Variants in TRAPPC3L observed in about 807,000 individuals in gnomAD.
TRAPPC3L encodes trafficking protein particle complex subunit 3L.
TRAPPC3L carries 23 observed loss-of-function variants against 23.7 expected under a neutral mutation model. The ratio of observed to expected loss-of-function variants is 0.97; its 90% CI spans 0.70 to 1.37. The LOEUF is 1.37. Ranked by LOEUF, TRAPPC3L falls within the 40% of genes most tolerant of loss-of-function variation. The probability of loss-of-function intolerance (pLI) is 0.00; values close to 1 mark genes in which losing one functional copy is unlikely to be tolerated. For missense variants in TRAPPC3L, 212 were observed against 216.8 expected, an observed-to-expected ratio of 0.98 and a Z score of 0.14; for synonymous variants, 81 against 77.9, an observed-to-expected ratio of 1.04 and a Z score of -0.21.
intron 3 of TRAPPC3L, among the ~76,000 whole-genome samples, chr6:116,515,278 T>C (rs2115167868): frequency 6.6e-6 from 1 of 152,352 alleles, no homozygotes; most frequent in Middle Eastern, 3.4e-3. Context: ...CTATCAGAGC[T>C]AATACTATTT....
intron 3 of TRAPPC3L, among the ~76,000 whole-genome samples, chr6:116,526,726 C>T (rs1206947812): frequency 1.3e-5 from 2 of 152,154 alleles, no homozygotes; most frequent in Admixed American, 1.3e-4. Context: ...AATCCTTAGA[C>T]CCAGACAGAT....
At chr6:116,540,897 A>G (rs1773409031) in intron 2 of TRAPPC3L, among the ~76,000 whole-genome samples, 1 of 152,168 alleles carries the variant, frequency 6.6e-6, no homozygotes, top group Non-Finnish European at 1.5e-5. Flanking sequence ...TTATCAGGGT[A>G]GAAGGGCAGG....
At chr6:116,516,182 G>T in intron 3 of TRAPPC3L, 1 of 619,094 alleles carries the variant, frequency 1.6e-6, no homozygotes, top group Non-Finnish European at 2.5e-6. Context: ...ATGCTGAGGG[G>T]TGACAAAGGT....
chr6:116,514,904 CAGAGTT>C (rs1476508232), intron 3 of TRAPPC3L, among the ~76,000 whole-genome samples: 1 of 152,098 alleles, frequency 6.6e-6, no homozygotes, highest in African/African-American at 2.4e-5. Flanking sequence ...ATTGTGAAAA[CAGAGTT>C]AGAGCCAAAA....
chr6:116,514,248 G>A (rs1392201204), intron 3 of TRAPPC3L, among the ~76,000 whole-genome samples: 1 of 152,158 alleles, frequency 6.6e-6, no homozygotes, highest in Non-Finnish European at 1.5e-5. Context: ...TAATTCAGCT[G>A]GAACTGGCTC....
At chr6:116,524,315 A>G (rs541367046) in intron 3 of TRAPPC3L, 1 of 152,332 alleles carries the variant, frequency 6.6e-6, no homozygotes, top group African/African-American at 2.4e-5. Context: ...TAAGGTACAC[A>G]ACAAAATAAA....
intron 3 of TRAPPC3L, among the ~76,000 whole-genome samples, chr6:116,533,601 CTCATGCCT>C (rs1211670671): frequency 6.6e-6 from 1 of 152,218 alleles, no homozygotes; most frequent in Non-Finnish European, 1.5e-5. Flanking sequence ...GTTGGCTCGG[CTCATGCCT>C]TCTGTACTGG....
chr6:116,532,340 A>G (rs1403977233), intron 3 of TRAPPC3L, among the ~76,000 whole-genome samples: 2 of 152,050 alleles, frequency 1.3e-5, no homozygotes, highest in South Asian at 2.1e-4. Context: ...GGCTCAAGCT[A>G]TCCTTCCGCG....
At position 116,530,902 on chromosome 6, in the gene TRAPPC3L, C is replaced by CATATAT. The variant is rs10557481; in HGVS notation, c.240+9455_240+9460dup. Among the ~76,000 whole-genome samples the CATATAT allele has an allele frequency of 1.4e-3, 108 of 76,468 alleles. 1 individual carries two copies. The highest frequency in any genetic ancestry group is 1.7e-3 in the Non-Finnish European group (72 of 41,652). 50.2% of individuals were successfully genotyped at this position (76,468 alleles called of 152,430 possible). A position where few individuals can be genotyped will look rare whatever the true frequency, so the allele number is the denominator to read the frequency against. ...GAAGGTTCATAGATAAAGTGAGACT[C>CATATAT]ATATATATATATATATATATATATA... is the stretch of plus-strand genomic sequence containing the variant. On this transcript the variant is annotated intron_variant, in intron 3 of 4. Coordinates refer to ENST00000368602, the MANE Select transcript of TRAPPC3L (RefSeq NM_001139444.3).
intron 3 of TRAPPC3L, among the ~76,000 whole-genome samples, chr6:116,527,118 C>T (rs1219779682): frequency 1.3e-5 from 2 of 152,124 alleles, no homozygotes; most frequent in South Asian, 2.1e-4. Context: ...TAAAATAATT[C>T]TTGTCTTCTT....
chr6:116,527,190 TA>T (rs1428865740), intron 3 of TRAPPC3L, among the ~76,000 whole-genome samples: 6 of 152,186 alleles, frequency 3.9e-5, no homozygotes, highest in Non-Finnish European at 8.8e-5. Context: ...ATTCAGTAGG[TA>T]AGTGTTCAAC....
intron 3 of TRAPPC3L, among the ~76,000 whole-genome samples, chr6:116,536,933 C>T (rs191250671): frequency 2.0e-5 from 3 of 152,280 alleles, no homozygotes; most frequent in East Asian, 1.9e-4. Context: ...ACAGGCCCGA[C>T]GTTTGGATGA....
chr6:116,514,825 T>C (rs1772190538), intron 3 of TRAPPC3L, among the ~76,000 whole-genome samples: 1 of 152,206 alleles, frequency 6.6e-6, no homozygotes, highest in Non-Finnish European at 1.5e-5. Context: ...ATATTAAGGA[T>C]CATTTAAACT....
intron 3 of TRAPPC3L, among the ~76,000 whole-genome samples, chr6:116,505,653 A>C (rs1460943225): frequency 6.6e-6 from 1 of 152,208 alleles, no homozygotes; most frequent in African/African-American, 2.4e-5. Context: ...ACAGCATGGT[A>C]CTGGTACCAA....
chr6:116,519,533 G>C (rs1772291840), intron 3 of TRAPPC3L: 1 of 152,180 alleles, frequency 6.6e-6, no homozygotes, highest in Non-Finnish European at 1.5e-5. Context: ...GGCACCCAAT[G>C]GTCATACTAA....
At chr6:116,530,041 T>C (rs1583278675) in intron 3 of TRAPPC3L, among the ~76,000 whole-genome samples, 1 of 152,302 alleles carries the variant, frequency 6.6e-6, no homozygotes, top group East Asian at 1.9e-4. Context: ...ATTCAAGTGT[T>C]GTGCATCATA....
At chr6:116,522,231 A>G (rs1208559111) in intron 3 of TRAPPC3L, 1 of 152,236 alleles carries the variant, frequency 6.6e-6, no homozygotes, top group Non-Finnish European at 1.5e-5. Context: ...GCCATCTCCA[A>G]ACATTTGACC....
At chr6:116,498,088 T>G (rs1034023164) in intron 4 of TRAPPC3L, among the ~76,000 whole-genome samples, 1 of 151,646 alleles carries the variant, frequency 6.6e-6, no homozygotes, top group Admixed American at 6.6e-5. Flanking sequence ...TAAGACTTTT[T>G]AAGTCTTTGT....
At chr6:116,515,322 A>G (rs1337977044) in intron 3 of TRAPPC3L, among the ~76,000 whole-genome samples, 1 of 152,118 alleles carries the variant, frequency 6.6e-6, no homozygotes, top group African/African-American at 2.4e-5. Flanking sequence ...TGTAATCTAT[A>G]CTTTGTACTC....
Sources: allele counts gnomAD v4.1 joint callset (sites outside exome capture counted in the v4.1 genomes callset), GRCh38; gene constraint gnomAD v4.1.1; transcripts MANE v1.5; gene names NCBI Gene and HGNC (gene_info 2026-07-23, HGNC 2026-07-21).